BORA: variants seen among roughly 807,000 people sequenced by gnomAD.
BORA encodes BORA aurora kinase A activator, also known as protein aurora borealis.
In BORA, 26 loss-of-function variants were observed where a neutral mutation model predicts 55.8. The observed-to-expected ratio is 0.47, with a 90% CI of 0.34 to 0.65. BORA has a LOEUF of 0.65. Among genes scored for constraint, BORA ranks in the 30% least tolerant of loss-of-function variants. The pLI, the probability that BORA is intolerant of heterozygous loss-of-function variation, is 0.01. For synonymous variants in BORA, 201 were observed against 216.9 expected, an observed-to-expected ratio of 0.93 and a Z score of 0.64; for missense variants, 568 against 671.5, an observed-to-expected ratio of 0.85 and a Z score of 1.70.
At chr13:72,746,378 T>TACC in intron 9 of BORA, 123 bp from the exon 10 acceptor site, 1 of 1,190,380 alleles carries the variant, frequency 8.4e-7, no homozygotes, top group Non-Finnish European at 1.2e-6. Context: ...TTCACTTTGG[T>TACC]AAACAACACA....
At position 72,746,914 on chromosome 13, in the gene BORA, G is replaced by T. The variant is rs1003531996; in HGVS notation, c.1285G>T (p.Asp429Tyr). 6.2e-7 allele frequency: 1 copy of T among 1,614,010 alleles called. No homozygotes were observed. Among genetic ancestry groups the T allele is most frequent in the South Asian group, 1.1e-5 (1 of 91,088 alleles). Residue 429 changes from aspartate to tyrosine, a missense_variant, in exon 10 of 12, where the codon GAC becomes TAC. Physicochemically the swap from Asp to Tyr is radical, Grantham distance 160. Transcript: ENST00000390667. ...GTTGCAGGATGTTGAAAGGGAGAAAGACAATAACACTGTGGATATGGTTGA... is the reference window on the plus strand; with the variant it reads ...GTTGCAGGATGTTGAAAGGGAGAAATACAATAACACTGTGGATATGGTTGA... The part of the protein sequence containing the change: ...ALLQDVEREK[D>Y]NNTVDMVDPI...
chr13:72,733,518 A>C (rs796653449), intron 3 of BORA, among the ~76,000 whole-genome samples: 2 of 152,302 alleles, frequency 1.3e-5, no homozygotes, highest in African/African-American at 4.8e-5. Context: ...AGTTTCCAGC[A>C]ATCACCTGAG....
chr13:72,742,653 C>T (rs2074754544), intron 5 of BORA, among the ~76,000 whole-genome samples: 1 of 151,808 alleles, frequency 6.6e-6, no homozygotes, highest in African/African-American at 2.4e-5. Context: ...CAAAGAGATA[C>T]CTGCACTCTC....
chr13:72,743,991 C>T (rs1486729157), intron 6 of BORA, among the ~76,000 whole-genome samples: 2 of 152,086 alleles, frequency 1.3e-5, no homozygotes, highest in Non-Finnish European at 2.9e-5. Context: ...CCCACTTTGG[C>T]CCCCCAAAGT....
chr13:72,746,923 A>G lies in BORA; in HGVS notation c.1294A>G (p.Thr432Ala). ...QDVEREKDNNTVDMVDPIEIA... is the reference protein window; with the variant it reads ...QDVEREKDNNAVDMVDPIEIA... ...TGTTGAAAGGGAGAAAGACAATAAC[A>G]CTGTGGATATGGTTGATCCTATAGA... Residue 432 changes from threonine (T) to alanine (A), a missense_variant, in exon 10 of 12, where the codon ACT becomes GCT. Thr to Ala is a moderately conservative substitution (Grantham distance 58). Transcript: ENST00000390667. 1 of 1,614,134 alleles carries G rather than the reference A, an allele frequency of 6.2e-7. No individual in the cohort carries two copies. Among genetic ancestry groups the G allele is most frequent in the East Asian group, 2.2e-5 (1 of 44,876 alleles).
chr13:72,753,795 A>G lies in BORA; in HGVS notation c.1588A>G (p.Ser530Gly), dbSNP rs2033350342. The change falls in exon 11 of 12, where the codon AGT (serine) becomes GGT (glycine). Residue 530 changes from serine (S) to glycine (G), a missense_variant. Physicochemically the swap from Ser to Gly is moderately conservative, Grantham distance 56 (BLOSUM62 0). Transcript: ENST00000390667. Reference protein sequence around the residue: ...ESDAQTCEVESKSQAFNMKQD... With the variant: ...ESDAQTCEVEGKSQAFNMKQD... ...TGATGCACAAACATGTGAAGTTGAG[A>G]GTAAATCTCAAGCATTTAATATGAA... 9.3e-6 allele frequency: 15 copies of G among 1,613,176 alleles called. No homozygotes were observed. The highest frequency in any genetic ancestry group is 1.3e-5 in the Non-Finnish European group (15 of 1,179,418).
At chr13:72,731,079 G>C (rs2032805124) in intron 2 of BORA, among the ~76,000 whole-genome samples, 1 of 152,036 alleles carries the variant, frequency 6.6e-6, no homozygotes, top group Admixed American at 6.6e-5. Context: ...AACAAAGAGA[G>C]AGAGAGATAC....
At chr13:72,734,735 T>C (rs903646371) in intron 3 of BORA, among the ~76,000 whole-genome samples, 11 of 152,160 alleles carry the variant, frequency 7.2e-5, no homozygotes, top group Non-Finnish European at 1.6e-4. Context: ...ATTCAAACTT[T>C]GAATGGAAAA....
chr13:72,732,294 A>C (rs4885035), intron 3 of BORA, among the ~76,000 whole-genome samples: 133,825 of 152,136 alleles, frequency 0.88, 60,982 homozygotes, highest in Non-Finnish European at 0.99. Context: ...TGACCATTCA[A>C]TCATAAAATT....
chr13:72,744,418 C>A, intron 6 of BORA, 87 bp from the exon 7 acceptor site: 2 of 1,096,696 alleles, frequency 1.8e-6, no homozygotes, highest in East Asian at 2.5e-5. Context: ...AGATGATTGA[C>A]TGGGCAGCAC....
rs779212004 is a variant in BORA at position 72,755,166 on chromosome 13, CAG to C, written c.1633_1634del (p.Arg545ValfsTer59). The C allele has an allele frequency of 3.1e-6, 5 of 1,613,850 alleles. No individual in the cohort carries two copies. The highest frequency in any genetic ancestry group is 4.2e-6 in the Non-Finnish European group (5 of 1,179,892). On this transcript the variant is annotated frameshift_variant, in exon 12 of 12. Transcript: ENST00000390667. LOFTEE classifies it high-confidence loss of function. ...TTTTTCACAGCAAGACCACACAACA[CAG>C]AGGTGTTGGATGAAAACAGCAAGCC... ...AFNMKQDHTT[Q>X]RCWMKTASPF...
intron 11 of BORA, chr13:72,754,924 G>T: frequency 2.3e-6 from 1 of 437,860 alleles, no homozygotes; most frequent in South Asian, 3.0e-5. Context: ...ATGTTGCCAG[G>T]GCTAGTCCCA....
At position 72,737,719 on chromosome 13, in the gene BORA, G is replaced by T. The variant is rs189806331; in HGVS notation, c.307-243G>T. On this transcript the variant is annotated intron_variant, in intron 4 of 11. Transcript: ENST00000390667. ...AAGAAATTTAAAATACTTTGTCTAT[G>T]ATTAATCCTCTTAGTTTAGTTTGCA... is the stretch of plus-strand genomic sequence containing the variant. Among the ~76,000 whole-genome samples the T allele has an allele frequency of 4.3e-4, 66 of 152,026 alleles. 1 individual carries two copies. The East Asian group carries it at 0.012, about 28-fold the overall frequency.
intron 2 of BORA, among the ~76,000 whole-genome samples, chr13:72,729,870 T>C (rs1039738570): frequency 2.6e-5 from 4 of 152,146 alleles, no homozygotes; most frequent in Admixed American, 1.3e-4. Context: ...ATCAAGGCAG[T>C]GTGATAGGTG....
At chr13:72,732,782 C>T (rs1332349624) in intron 3 of BORA, among the ~76,000 whole-genome samples, 2 of 152,092 alleles carry the variant, frequency 1.3e-5, no homozygotes, top group African/African-American at 4.8e-5. Flanking sequence ...TTTTGTTTCA[C>T]ACGAACTTAA....
rs532188532 is a variant in BORA at position 72,755,266 on chromosome 13, T to C, written c.*50T>C. 2.3e-4 allele frequency: 332 copies of C among 1,475,084 alleles called. 4 individuals carry two copies. In the South Asian group the frequency reaches 3.6e-3, roughly 16 times the overall value. The allele number at this position is 1,475,084 out of a possible 1,614,324, so 91.4% of individuals were successfully genotyped here. On this transcript the variant is annotated 3_prime_UTR_variant, in exon 12 of 12. Transcript: ENST00000390667. The stretch of plus-strand genomic sequence containing the variant: ...TAAGCTTAAGAGTTCCTCGCATATA[T>C]CGTTGTGCACAGGATCAACATGATG...
In BORA at chr13:72,755,391, G is replaced by T; in HGVS notation, c.*175G>T. On this transcript the variant is annotated 3_prime_UTR_variant, in exon 12 of 12. Coordinates refer to ENST00000390667, the MANE Select transcript of BORA (RefSeq NM_024808.5). ...ACATAGGAACAACAGAAATGCTCCTGGAACTTCAAGTTGCTGAATTATAAG... is the reference window on the plus strand; with the variant it reads ...ACATAGGAACAACAGAAATGCTCCTTGAACTTCAAGTTGCTGAATTATAAG... 1 of 527,078 alleles carries T rather than the reference G, an allele frequency of 1.9e-6. No homozygotes were observed. Among genetic ancestry groups the T allele is most frequent in the African/African-American group, 1.9e-5 (1 of 51,966 alleles). The allele number at this position is 527,078 out of a possible 1,614,324, so 32.7% of individuals were successfully genotyped here.
In BORA at chr13:72,748,728, TTCTCTC is replaced by T. The variant is rs58975643; in HGVS notation, c.1482+1643_1482+1648del. Among the ~76,000 whole-genome samples the T allele has an allele frequency of 1.1e-3, 158 of 137,804 alleles. 1 individual carries two copies. The highest frequency in any genetic ancestry group is 3.8e-3 in the African/African-American group (155 of 40,766). 90.4% of individuals were successfully genotyped at this position (137,804 alleles called of 152,430 possible). On this transcript the variant is annotated intron_variant, in intron 10 of 11. Transcript: ENST00000390667. ...CTTTTACTCTCTGCCTTTTTTCACT[TTCTCTC>T]TCTCTCTCTCTCTCTCTCTCTCTCT...
At position 72,746,836 on chromosome 13, in the gene BORA, G is replaced by A; in HGVS notation, c.1207G>A (p.Ala403Thr). 2 of 1,614,178 alleles carry A rather than the reference G, an allele frequency of 1.2e-6. No homozygotes were observed. Among genetic ancestry groups the A allele is most frequent in the South Asian group, 1.1e-5 (1 of 91,092 alleles). The change falls in exon 10 of 12, where the codon GCC (alanine) becomes ACC (threonine). Residue 403 changes from alanine (A) to threonine (T), a missense_variant. By Grantham distance (58) the Ala-to-Thr change is moderately conservative. Coordinates refer to ENST00000390667, the MANE Select transcript of BORA (RefSeq NM_024808.5). Reference sequence around the variant, plus strand: ...CCATGGTACACATTTGGTTGTGACTGCCATGTCTGTTACACAAAATCAGTC... The same window carrying A: ...CCATGGTACACATTTGGTTGTGACTACCATGTCTGTTACACAAAATCAGTC... ...STHGTHLVVT[A>T]MSVTQNQSSA...
Sources: allele counts gnomAD v4.1 joint callset (sites outside exome capture counted in the v4.1 genomes callset), GRCh38; gene constraint gnomAD v4.1.1; transcripts MANE v1.5; gene names NCBI Gene and HGNC (gene_info 2026-07-23, HGNC 2026-07-21).